The following SNTG1 variants were observed in gnomAD, a reference collection of about 807,000 sequenced individuals.
SNTG1 encodes the protein gamma-1-syntrophin.
A neutral mutation model predicts 74.7 loss-of-function variants in SNTG1; 39 were observed. The observed-to-expected ratio is 0.52, with a 90% CI of 0.40 to 0.68. The LOEUF (loss-of-function observed/expected upper bound fraction) is 0.68. Among genes scored for constraint, SNTG1 ranks in the 30% least tolerant of loss-of-function variants. The probability of loss-of-function intolerance (pLI) is 0.00; values close to 1 mark genes in which losing one functional copy is unlikely to be tolerated. For missense variants in SNTG1, 685 were observed against 609.5 expected, an observed-to-expected ratio of 1.12 and a Z score of -1.30; for synonymous variants, 254 against 217.1, an observed-to-expected ratio of 1.17 and a Z score of -1.49.
At chr8:50,067,553 T>G (rs575143742) in intron 1 of SNTG1, among the ~76,000 whole-genome samples, 1 of 152,308 alleles carries the variant, frequency 6.6e-6, no homozygotes, top group Non-Finnish European at 1.5e-5. Context: ...TGTTAAACCT[T>G]TTTTAGTCTT....
intron 1 of SNTG1, among the ~76,000 whole-genome samples, chr8:49,998,195 A>G (rs1171733038): frequency 6.6e-6 from 1 of 152,150 alleles, no homozygotes; most frequent in Non-Finnish European, 1.5e-5. Context: ...AAGATCAATA[A>G]CGGTATGCTT....
At chr8:50,585,174 C>A (rs1438166102) in intron 12 of SNTG1, among the ~76,000 whole-genome samples, 1 of 152,094 alleles carries the variant, frequency 6.6e-6, no homozygotes, top group Non-Finnish European at 1.5e-5. Context: ...ATGAATTTAT[C>A]TTCTGTTTTT....
chr8:50,097,012 C>A (rs1184721463), intron 1 of SNTG1, among the ~76,000 whole-genome samples: 1 of 151,954 alleles, frequency 6.6e-6, no homozygotes, highest in Non-Finnish European at 1.5e-5. Flanking sequence ...ATCTGTGGCC[C>A]AGGCTGGGGT....
At chr8:50,251,004 A>AG (rs1388469924) in intron 2 of SNTG1, among the ~76,000 whole-genome samples, 3 of 151,478 alleles carry the variant, frequency 2.0e-5, no homozygotes, top group Non-Finnish European at 4.4e-5. Context: ...AAAAGGTAAA[A>AG]ACACCAACAG....
chr8:50,433,831 C>A (rs895916448), intron 4 of SNTG1, among the ~76,000 whole-genome samples: 3 of 152,132 alleles, frequency 2.0e-5, no homozygotes, highest in Non-Finnish European at 4.4e-5. Flanking sequence ...GGGCATAGTT[C>A]TCTTCAATAA....
chr8:50,278,706 T>C (rs1430106445), intron 2 of SNTG1, among the ~76,000 whole-genome samples: 4 of 152,082 alleles, frequency 2.6e-5, no homozygotes, highest in Non-Finnish European at 2.9e-5. Flanking sequence ...AAAAAAAATT[T>C]GGAAAAATGT....
intron 1 of SNTG1, among the ~76,000 whole-genome samples, chr8:49,959,998 G>A (rs1368706543): frequency 6.6e-6 from 1 of 152,166 alleles, no homozygotes; most frequent in Non-Finnish European, 1.5e-5. Flanking sequence ...CAGCTAATTA[G>A]CGTCAACAGT....
chr8:50,178,343 G>T, intron 2 of SNTG1, among the ~76,000 whole-genome samples: 3 of 147,264 alleles, frequency 2.0e-5, no homozygotes, highest in East Asian at 2.0e-4. Flanking sequence ...TCTTCTTCTG[G>T]TCTCTTCCTC....
At chr8:50,399,339 A>T (rs2092770794) in intron 3 of SNTG1, among the ~76,000 whole-genome samples, 2 of 152,164 alleles carry the variant, frequency 1.3e-5, no homozygotes, top group Non-Finnish European at 2.9e-5. Flanking sequence ...TTTCCAGACA[A>T]CTATCTAATA....
At chr8:50,070,164 GAGA>G (rs1392477126) in intron 1 of SNTG1, among the ~76,000 whole-genome samples, 4 of 152,034 alleles carry the variant, frequency 2.6e-5, no homozygotes, top group African/African-American at 7.2e-5. Context: ...ATAATATTTT[GAGA>G]AGAAGAACAT....
intron 2 of SNTG1, among the ~76,000 whole-genome samples, chr8:50,318,182 G>A (rs971207962): frequency 6.6e-6 from 1 of 152,002 alleles, no homozygotes; most frequent in African/African-American, 2.4e-5. Flanking sequence ...TTGCTCCCTG[G>A]ACTTGAGAGT....
At chr8:50,034,319 A>C (rs1359786225) in intron 1 of SNTG1, among the ~76,000 whole-genome samples, 1 of 152,252 alleles carries the variant, frequency 6.6e-6, no homozygotes, top group Non-Finnish European at 1.5e-5. Flanking sequence ...GAAAGAAATA[A>C]GAGATGATGC....
At chr8:49,986,591 A>T (rs1481453675) in intron 1 of SNTG1, among the ~76,000 whole-genome samples, 7 of 151,910 alleles carry the variant, frequency 4.6e-5, no homozygotes, top group Admixed American at 3.9e-4. Context: ...GGAGTGGTTC[A>T]TGCCTGTAAT....
chr8:50,565,087 T>A (rs2094508680), intron 12 of SNTG1, among the ~76,000 whole-genome samples: 1 of 152,058 alleles, frequency 6.6e-6, no homozygotes, highest in Admixed American at 6.6e-5. Flanking sequence ...TCCATAATCC[T>A]AGTCTCATCA....
chr8:50,688,406 T>C (rs541193711), intron 15 of SNTG1, among the ~76,000 whole-genome samples: 3 of 152,236 alleles, frequency 2.0e-5, no homozygotes, highest in Non-Finnish European at 4.4e-5. Flanking sequence ...CATTTAAGTC[T>C]TTAATCCATC....
intron 2 of SNTG1, among the ~76,000 whole-genome samples, chr8:50,250,626 A>T (rs1297570199): frequency 6.6e-6 from 1 of 152,172 alleles, no homozygotes; most frequent in East Asian, 1.9e-4. Context: ...CTCTCAGCAG[A>T]ATCTCTGCAT....
intron 12 of SNTG1, among the ~76,000 whole-genome samples, chr8:50,577,397 G>T (rs972708466): frequency 6.7e-6 from 1 of 149,376 alleles, no homozygotes; most frequent in Non-Finnish European, 1.5e-5. Context: ...CACTTTCTTA[G>T]TATTTTGTTG....
At chr8:50,776,086 T>G (rs1430543665) in intron 18 of SNTG1, among the ~76,000 whole-genome samples, 1 of 151,432 alleles carries the variant, frequency 6.6e-6, no homozygotes, top group African/African-American at 2.4e-5. Flanking sequence ...TTAGACAACT[T>G]ACTTTTATTT....
At chr8:50,203,921 T>G (rs902055786) in intron 2 of SNTG1, among the ~76,000 whole-genome samples, 2 of 152,118 alleles carry the variant, frequency 1.3e-5, no homozygotes, top group African/African-American at 4.8e-5. Context: ...AAATCTATAT[T>G]TTTTCAACCT....
Sources: allele counts gnomAD v4.1 joint callset (sites outside exome capture counted in the v4.1 genomes callset), GRCh38; gene constraint gnomAD v4.1.1; transcripts MANE v1.5; gene names NCBI Gene and HGNC (gene_info 2026-07-23, HGNC 2026-07-21).